DPP6: variants seen among roughly 807,000 people sequenced by gnomAD.
The protein encoded by DPP6 is A-type potassium channel modulatory protein DPP6.
In DPP6, 69 loss-of-function variants were observed where a neutral mutation model predicts 122.6. That is an observed-to-expected ratio of 0.56 (90% confidence interval 0.46 to 0.69). DPP6 has a LOEUF of 0.69. DPP6 is among the 30% of genes least tolerant of loss of function. DPP6 has a pLI of 0.00. For synonymous variants in DPP6, 418 were observed against 433.1 expected (o/e 0.97, Z 0.43); for missense variants, 928 against 1,116.9 (o/e 0.83, Z 2.41).
chr7:154,792,439 A>G (rs1797741347), intron 10 of DPP6, among the ~76,000 whole-genome samples: 1 of 152,284 alleles, frequency 6.6e-6, no homozygotes, highest in Non-Finnish European at 1.5e-5. Context: ...AATTATATTT[A>G]AGGACAAAAG....
chr7:154,703,675 C>T (rs1191328502), intron 7 of DPP6, among the ~76,000 whole-genome samples: 2 of 151,120 alleles, frequency 1.3e-5, no homozygotes, highest in Non-Finnish European at 2.9e-5. Context: ...TGGTGGCTCA[C>T]GCCTGTACTT....
At chr7:154,478,553 C>CAT (rs150025350) in intron 3 of DPP6, among the ~76,000 whole-genome samples, 248 of 150,134 alleles carry the variant, frequency 1.7e-3, no homozygotes, top group African/African-American at 4.0e-3. Context: ...GATCTATATA[C>CAT]ATATATATAT....
intron 1 of DPP6, among the ~76,000 whole-genome samples, chr7:154,244,236 A>T (rs1226233290): frequency 6.6e-6 from 1 of 152,156 alleles, no homozygotes; most frequent in Non-Finnish European, 1.5e-5. Flanking sequence ...ATAATATTTT[A>T]GAGTGCCAAA....
chr7:154,449,849 TA>T (rs200286788), intron 2 of DPP6, among the ~76,000 whole-genome samples: 5 of 149,468 alleles, frequency 3.3e-5, no homozygotes, highest in South Asian at 2.1e-4. Context: ...CTACTAAAAA[TA>T]AAAAAAAACT....
chr7:153,951,291 A>G (rs1639167605), intron 1 of DPP6, among the ~76,000 whole-genome samples: 1 of 152,186 alleles, frequency 6.6e-6, no homozygotes, highest in African/African-American at 2.4e-5. Flanking sequence ...TCACCCTAGC[A>G]CAGGTGCATC....
chr7:154,115,232 C>G (rs569132062), intron 1 of DPP6, among the ~76,000 whole-genome samples: 1 of 152,168 alleles, frequency 6.6e-6, no homozygotes, highest in Non-Finnish European at 1.5e-5. Flanking sequence ...TGCTGTCCCC[C>G]CTTCTGCCAC....
At chr7:153,883,866 G>A (rs1798821700), upstream of DPP6, among the ~76,000 whole-genome samples, 1 of 152,180 alleles carries the variant, frequency 6.6e-6, no homozygotes, top group Non-Finnish European at 1.5e-5. Context: ...CCTTTCTGCA[G>A]GGCTCTGGGT....
rs1184421256 is a variant in DPP6, at chr7:154,807,063, C to G, written c.1617C>G (p.Phe539Leu). Reference protein sequence around the residue: ...SCDLVENCTYFSASFSHSMDF... With the variant: ...SCDLVENCTYLSASFSHSMDF... ...ACCTGGTTGAGAACTGCACCTACTTCAGCGCTTCCTTCAGCCATAGCATGG... is the reference window on the plus strand; with the variant it reads ...ACCTGGTTGAGAACTGCACCTACTTGAGCGCTTCCTTCAGCCATAGCATGG... Residue 539 changes from phenylalanine to leucine, a missense_variant, in exon 16 of 26, where the codon TTC becomes TTG. Transcript: ENST00000377770. 1.2e-6 allele frequency: 2 copies of G among 1,613,870 alleles called. No individual in the cohort carries two copies. The highest frequency in any genetic ancestry group is 8.5e-7 in the Non-Finnish European group (1 of 1,179,874).
intron 1 of DPP6, among the ~76,000 whole-genome samples, chr7:153,996,254 A>T (rs1441487819): frequency 2.6e-5 from 4 of 152,246 alleles, no homozygotes; most frequent in Non-Finnish European, 5.9e-5. Flanking sequence ...TTGGCTTGAA[A>T]AGATACAAAT....
chr7:154,715,031 A>G (rs1427740454), intron 7 of DPP6, among the ~76,000 whole-genome samples: 1 of 140,558 alleles, frequency 7.1e-6, no homozygotes, highest in African/African-American at 2.6e-5. Context: ...GACTAATATG[A>G]TAACTATTTT....
intron 1 of DPP6, among the ~76,000 whole-genome samples, chr7:153,932,140 T>TTTA (rs71182855): frequency 7.1e-6 from 1 of 139,894 alleles, no homozygotes; most frequent in Admixed American, 7.3e-5. Flanking sequence ...TTTTTTTTTT[T>TTTA]AACAGAATCT....
At chr7:154,735,013 A>G (rs148898997) in intron 8 of DPP6, among the ~76,000 whole-genome samples, 1 of 152,300 alleles carries the variant, frequency 6.6e-6, no homozygotes, top group African/African-American at 2.4e-5. Context: ...CTGCTCAACT[A>G]TTTCATTTGC....
At chr7:154,264,942 T>C (rs62650433) in intron 1 of DPP6, among the ~76,000 whole-genome samples, 95,472 of 97,244 alleles carry the variant, frequency 0.98, 46,856 homozygotes, top group Admixed American at 0.99. Context: ...TTAATGATGA[T>C]AGTGATAATG....
At position 154,695,520 on chromosome 7, in the gene DPP6, A is replaced by T. The variant is rs143342833; in HGVS notation, c.762+26079A>T. Among the ~76,000 whole-genome samples, 79 of 152,292 alleles carry T rather than the reference A, an allele frequency of 5.2e-4. 1 individual carries two copies. The East Asian group carries it at 0.012, about 22-fold the overall frequency. ...TAAGGCAGGAGAATTGTATGAAATGATTGCTATAGTTCAGAGAGGTGAAGT... is the reference window on the plus strand; with the variant it reads ...TAAGGCAGGAGAATTGTATGAAATGTTTGCTATAGTTCAGAGAGGTGAAGT... On this transcript the variant is annotated intron_variant, in intron 7 of 25. Transcript: ENST00000377770.
At chr7:154,421,166 T>C (rs10272366) in intron 1 of DPP6, among the ~76,000 whole-genome samples, 6,266 of 151,482 alleles carry the variant, frequency 0.041, 406 homozygotes, top group African/African-American at 0.14. Context: ...TGCCTAATTT[T>C]CAGCATCATT....
rs377640628 is a variant in DPP6, at chr7:154,320,285, G to A, written c.244-125929G>A. 3.9e-3 allele frequency among the ~76,000 whole-genome samples: 592 copies of A among 152,152 alleles called. 5 individuals are homozygous for A. The highest frequency in any genetic ancestry group is 6.2e-3 in the Non-Finnish European group (423 of 68,008). ...ACTTCAGGCCGGCCCTGTGTCCAGT[G>A]CGGTCTCCATAAAGGACTCTGGTGT... On this transcript the variant is annotated intron_variant, in intron 1 of 25. Transcript: ENST00000377770.
At chr7:154,718,862 A>G (rs1051980093) in intron 7 of DPP6, among the ~76,000 whole-genome samples, 1 of 151,674 alleles carries the variant, frequency 6.6e-6, no homozygotes, top group Non-Finnish European at 1.5e-5. Context: ...CTGGTCTCAA[A>G]CTTCTGACCT....
intron 1 of DPP6, among the ~76,000 whole-genome samples, chr7:154,096,569 T>A (rs1805335945): frequency 6.6e-6 from 1 of 152,108 alleles, no homozygotes; most frequent in Non-Finnish European, 1.5e-5. Flanking sequence ...GTATTTGTGC[T>A]ATGTCTGCAT....
chr7:154,587,618 TA>T, intron 5 of DPP6: 4 of 1,524,580 alleles, frequency 2.6e-6, no homozygotes, highest in Non-Finnish European at 3.5e-6. Flanking sequence ...TTGAGCTTTC[TA>T]AAATGATTCT....
Sources: gnomAD v4.1 joint callset for allele counts (sites outside exome capture counted in the v4.1 genomes callset) on GRCh38, gnomAD v4.1.1 for gene constraint, MANE v1.5 for transcripts, NCBI Gene and HGNC (gene_info 2026-07-23, HGNC 2026-07-21) for gene names.